Variants in RBFOX1 observed in about 807,000 individuals in gnomAD.
The protein encoded by RBFOX1 is RNA binding protein fox-1 homolog 1.
RBFOX1 carries 8 observed loss-of-function variants against 57.7 expected under a neutral mutation model. The observed-to-expected ratio is 0.14, with a 90% CI of 0.08 to 0.25. The LOEUF is 0.25. Ranked by LOEUF, RBFOX1 falls within the 10% of genes least tolerant of loss-of-function variation. RBFOX1 has a pLI of 1.00. For synonymous variants in RBFOX1, 326 were observed against 222.4 expected, an observed-to-expected ratio of 1.47 and a Z score of -4.15; for missense variants, 611 against 548.5, an observed-to-expected ratio of 1.11 and a Z score of -1.14.
intron 12 of RBFOX1, among the ~76,000 whole-genome samples, chr16:7,663,851 G>A (rs1429837929): frequency 1.3e-5 from 2 of 152,198 alleles, no homozygotes; most frequent in Non-Finnish European, 2.9e-5. Context: ...TCGTTTTCAT[G>A]CTTAGGAAAT....
chr16:5,866,020 T>C (rs1327746085), intron 3 of RBFOX1, among the ~76,000 whole-genome samples: 1 of 152,082 alleles, frequency 6.6e-6, no homozygotes, highest in Non-Finnish European at 1.5e-5. Context: ...CAGGCTGGAG[T>C]GCAATGGCGC....
intron 3 of RBFOX1, among the ~76,000 whole-genome samples, chr16:6,827,437 T>C (rs1398940922): frequency 6.6e-6 from 1 of 151,164 alleles, no homozygotes; most frequent in Non-Finnish European, 1.5e-5. Context: ...GTTTGGTCAA[T>C]TGATGCAGTC....
At chr16:6,234,453 T>G (rs2152912662) in intron 1 of RBFOX1, among the ~76,000 whole-genome samples, 1 of 152,312 alleles carries the variant, frequency 6.6e-6, no homozygotes, top group East Asian at 1.9e-4. Flanking sequence ...TTCCTGCCAC[T>G]TAGCATGGTG....
chr16:6,883,782 GT>G (rs1344180304), intron 3 of RBFOX1, among the ~76,000 whole-genome samples: 1 of 151,956 alleles, frequency 6.6e-6, no homozygotes, highest in African/African-American at 2.4e-5. Flanking sequence ...AAATACATGG[GT>G]TAGTGAAGAG....
At chr16:5,938,459 C>G (rs544026000) in intron 4 of RBFOX1, among the ~76,000 whole-genome samples, 1 of 152,240 alleles carries the variant, frequency 6.6e-6, no homozygotes, top group Admixed American at 6.5e-5. Flanking sequence ...GCATAGCTAC[C>G]ATATTTAAAA....
At chr16:6,912,293 C>T (rs372300774) in intron 3 of RBFOX1, among the ~76,000 whole-genome samples, 7 of 152,236 alleles carry the variant, frequency 4.6e-5, no homozygotes, top group African/African-American at 1.7e-4. Flanking sequence ...TGCTCAGCCC[C>T]AGATTTTCTG....
In RBFOX1 at chr16:5,259,913, G is replaced by C. The variant is rs562664585; in HGVS notation, c.219+19808G>C. Among the ~76,000 whole-genome samples the C allele has an allele frequency of 1.7e-4, 26 of 152,204 alleles. 2 individuals are homozygous for C. The South Asian group carries it at 5.2e-3, about 30-fold the overall frequency. On this transcript the variant is annotated intron_variant, in intron 1 of 2. Coordinates refer to the RBFOX1 transcript ENST00000585867. Reference sequence around the variant, plus strand: ...GATCAGATCTTCTGTAAAAGTGTAAGTGAGGAGGCTGGGCACGGTGGCTCA... The same window carrying C: ...GATCAGATCTTCTGTAAAAGTGTAACTGAGGAGGCTGGGCACGGTGGCTCA...
intron 4 of RBFOX1, among the ~76,000 whole-genome samples, chr16:7,063,374 G>C (rs537520345): frequency 3.5e-4 from 54 of 152,114 alleles, no homozygotes; most frequent in Middle Eastern, 3.4e-3. Context: ...AGTATCAGAG[G>C]AACTTGTGAT....
intron 1 of RBFOX1, among the ~76,000 whole-genome samples, chr16:6,122,495 A>C (rs1018667765): frequency 6.6e-6 from 1 of 151,996 alleles, no homozygotes; most frequent in East Asian, 1.9e-4. Flanking sequence ...CCACTTTCTC[A>C]TTCGAGTTAA....
chr16:6,757,369 C>T (rs552240770), intron 3 of RBFOX1, among the ~76,000 whole-genome samples: 7 of 152,222 alleles, frequency 4.6e-5, no homozygotes, highest in African/African-American at 1.7e-4. Context: ...GCATTATTTA[C>T]AATAGCAAAG....
intron 14 of RBFOX1, among the ~76,000 whole-genome samples, chr16:7,706,773 C>G (rs958823612): frequency 6.6e-6 from 1 of 152,132 alleles, no homozygotes; most frequent in African/African-American, 2.4e-5. Context: ...CAATCAATCA[C>G]AGACTTCATT....
intron 4 of RBFOX1, among the ~76,000 whole-genome samples, chr16:5,902,752 C>A (rs1234141546): frequency 6.6e-6 from 1 of 152,114 alleles, no homozygotes; most frequent in African/African-American, 2.4e-5. Context: ...CTTCATCAAT[C>A]TCTTATTCTA....
At chr16:5,267,549 C>T (rs978879721) in intron 1 of RBFOX1, among the ~76,000 whole-genome samples, 2 of 151,984 alleles carry the variant, frequency 1.3e-5, no homozygotes, top group Admixed American at 6.6e-5. Flanking sequence ...CTGCCCACCT[C>T]AGCCTCCTAA....
At chr16:5,636,021 C>T (rs775950399) in intron 3 of RBFOX1, among the ~76,000 whole-genome samples, 2 of 151,176 alleles carry the variant, frequency 1.3e-5, no homozygotes, top group Non-Finnish European at 2.9e-5. Context: ...CTAGTCTGGG[C>T]AACATAGTGG....
chr16:6,623,443 C>T (rs200487059), intron 2 of RBFOX1, among the ~76,000 whole-genome samples: 3 of 149,226 alleles, frequency 2.0e-5, no homozygotes, highest in Non-Finnish European at 3.0e-5. Flanking sequence ...GGTGAAAATT[C>T]TTTTTTTTTT....
At chr16:7,029,652 G>T (rs1055780896) in intron 3 of RBFOX1, among the ~76,000 whole-genome samples, 1 of 152,070 alleles carries the variant, frequency 6.6e-6, no homozygotes, top group African/African-American at 2.4e-5. Context: ...TTGAAATGCG[G>T]AAATAGGATA....
chr16:7,299,901 G>C (rs1568098393), intron 4 of RBFOX1, among the ~76,000 whole-genome samples: 1 of 152,094 alleles, frequency 6.6e-6, no homozygotes, highest in Non-Finnish European at 1.5e-5. Flanking sequence ...TTATGTTTTC[G>C]ACATAGGATA....
intron 1 of RBFOX1, among the ~76,000 whole-genome samples, chr16:6,136,133 T>A (rs542963516): frequency 6.6e-6 from 1 of 152,224 alleles, no homozygotes; most frequent in African/African-American, 2.4e-5. Context: ...GGTACTTTGT[T>A]AGACCATTGC....
At chr16:5,365,488 T>A (rs1031910372) in intron 1 of RBFOX1, among the ~76,000 whole-genome samples, 1 of 152,084 alleles carries the variant, frequency 6.6e-6, no homozygotes, top group Admixed American at 6.5e-5. Flanking sequence ...GCCAACCTGG[T>A]GAAACCCTCA....
Sources: allele counts gnomAD v4.1 joint callset (sites outside exome capture counted in the v4.1 genomes callset), GRCh38; gene constraint gnomAD v4.1.1; transcripts MANE v1.5; gene names NCBI Gene and HGNC (gene_info 2026-07-23, HGNC 2026-07-21).